The following RGS5 variants were observed in gnomAD, a reference collection of about 807,000 sequenced individuals.
The protein encoded by RGS5 is regulator of G-protein signalling 5.
Under a neutral mutation model 18.9 loss-of-function variants are expected in RGS5, and 20 were observed. The ratio of observed to expected loss-of-function variants is 1.06; its 90% CI spans 0.74 to 1.54. RGS5 has a LOEUF of 1.54. Ranked by LOEUF, RGS5 falls within the 40% of genes most tolerant of loss-of-function variation. The pLI is 0.00. For missense variants in RGS5, 201 were observed against 211.8 expected (o/e 0.95, Z 0.32); for synonymous variants, 57 against 76.2 (o/e 0.75, Z 1.31).
intron 2 of RGS5, among the ~76,000 whole-genome samples, chr1:163,229,406 G>A (rs1647416459): frequency 1.3e-5 from 2 of 152,196 alleles, no homozygotes; most frequent in African/African-American, 4.8e-5. Context: ...CCTCCACCTG[G>A]TCCTGCCCTT....
At chr1:163,217,759 C>T, upstream of RGS5, 1 of 915,272 alleles carries the variant, frequency 1.1e-6, no homozygotes, top group Non-Finnish European at 1.5e-6. Flanking sequence ...CTGAATTCTA[C>T]CATTGTGCGA....
intron 2 of RGS5, among the ~76,000 whole-genome samples, chr1:163,272,010 G>A (rs575832370): frequency 3.9e-4 from 58 of 149,434 alleles, no homozygotes; most frequent in African/African-American, 1.4e-3. Flanking sequence ...CCTTCCCTTT[G>A]TTCCTTCCTT....
At chr1:163,310,757 T>C (rs2101649355) in intron 1 of RGS5, among the ~76,000 whole-genome samples, 1 of 152,262 alleles carries the variant, frequency 6.6e-6, no homozygotes, top group East Asian at 1.9e-4. Flanking sequence ...TATTAGTCCA[T>C]TTTCATACTC....
chr1:163,246,178 G>A (rs58003788), intron 2 of RGS5, among the ~76,000 whole-genome samples: 2 of 150,668 alleles, frequency 1.3e-5, no homozygotes, highest in African/African-American at 2.4e-5. Flanking sequence ...CCAAGATCGC[G>A]CCACTGCACT....
chr1:163,302,054 GT>G (rs767978033), intron 2 of RGS5, among the ~76,000 whole-genome samples: 4 of 144,350 alleles, frequency 2.8e-5, no homozygotes, highest in African/African-American at 5.1e-5. Context: ...TTAAGAAAAA[GT>G]TTTTTTCATA....
intron 1 of RGS5, among the ~76,000 whole-genome samples, chr1:163,314,771 T>G (rs2101652518): frequency 6.6e-6 from 1 of 152,278 alleles, no homozygotes; most frequent in East Asian, 1.9e-4. Flanking sequence ...TGAATGGGAC[T>G]AGTGCCCTTA....
chr1:163,235,098 C>T (rs34988416), intron 2 of RGS5, among the ~76,000 whole-genome samples: 6,664 of 152,212 alleles, frequency 0.044, 210 homozygotes, highest in Non-Finnish European at 0.065. Context: ...GCAGAATATG[C>T]GGAGTTGTTG....
intron 2 of RGS5, among the ~76,000 whole-genome samples, chr1:163,227,507 C>T (rs1647365714): frequency 6.6e-6 from 1 of 152,122 alleles, no homozygotes; most frequent in Admixed American, 6.5e-5. Flanking sequence ...CTGGTCCCAT[C>T]CTTAAAACAT....
intron 1 of RGS5, among the ~76,000 whole-genome samples, chr1:163,314,267 A>T (rs1649953521): frequency 1.3e-5 from 2 of 152,174 alleles, no homozygotes; most frequent in Non-Finnish European, 2.9e-5. Context: ...TACCAGGTTG[A>T]ATTTGCTTAA....
intron 1 of RGS5, among the ~76,000 whole-genome samples, chr1:163,179,364 C>A (rs1658708360): frequency 2.6e-5 from 4 of 152,150 alleles, no homozygotes; most frequent in Admixed American, 2.6e-4. Context: ...AAGTGAGTTA[C>A]TATATGTGAA....
At chr1:163,164,374 A>G (rs1657952675) in intron 2 of RGS5, among the ~76,000 whole-genome samples, 1 of 152,172 alleles carries the variant, frequency 6.6e-6, no homozygotes, top group Non-Finnish European at 1.5e-5. Context: ...GAAACTCAAA[A>G]TAAACATTTA....
chr1:163,194,847 T>A (rs1014210477), intron 1 of RGS5, among the ~76,000 whole-genome samples: 1 of 152,186 alleles, frequency 6.6e-6, no homozygotes, highest in African/African-American at 2.4e-5. Context: ...TTAAGTATGA[T>A]CATGGTTTTT....
intron 2 of RGS5, among the ~76,000 whole-genome samples, chr1:163,265,536 A>C (rs538707419): frequency 1.8e-4 from 27 of 152,226 alleles, no homozygotes; most frequent in African/African-American, 6.3e-4. Context: ...TAATAATACT[A>C]ATAAATCTTC....
chr1:163,294,898 C>T (rs769506693), intron 2 of RGS5, among the ~76,000 whole-genome samples: 16 of 152,128 alleles, frequency 1.1e-4, no homozygotes, highest in Non-Finnish European at 2.1e-4. Context: ...GTTCAAAGTT[C>T]CACAGATCTC....
chr1:163,272,300 G>C (rs1042993758), intron 2 of RGS5, among the ~76,000 whole-genome samples: 6 of 151,940 alleles, frequency 3.9e-5, no homozygotes, highest in African/African-American at 1.4e-4. Flanking sequence ...TATGTATGCT[G>C]GATACAAGTC....
chr1:163,219,902 T>C (rs965799139), upstream of RGS5, among the ~76,000 whole-genome samples: 3 of 152,184 alleles, frequency 2.0e-5, no homozygotes, highest in Non-Finnish European at 4.4e-5. Context: ...TTGGTGAACA[T>C]ATGGACTCAT....
In RGS5 at chr1:163,152,388, C is replaced by G. The variant is rs867241953; in HGVS notation, c.384+162G>C. On this transcript the variant is annotated intron_variant, in intron 4 of 4. Coordinates refer to ENST00000313961, the MANE Select transcript of RGS5 (RefSeq NM_003617.4). ...AACAGGATTGTTCATATATACTTGA[C>G]CATGTTGCTCTGCCTTTGTACTCAA... 4 of 638,138 alleles carry G rather than the reference C, an allele frequency of 6.3e-6. 1 individual carries two copies. In the Middle Eastern group the frequency reaches 1.1e-3, roughly 181 times the overall value. 39.5% of individuals were successfully genotyped at this position (638,138 alleles called of 1,614,324 possible).
At chr1:163,154,091 C>A (rs2102385087) in intron 3 of RGS5, among the ~76,000 whole-genome samples, 1 of 152,288 alleles carries the variant, frequency 6.6e-6, no homozygotes. Flanking sequence ...CCTGGAAACA[C>A]TTCTGCAATA....
chr1:163,165,262 G>A (rs1657990125), intron 2 of RGS5, among the ~76,000 whole-genome samples: 3 of 152,134 alleles, frequency 2.0e-5, no homozygotes, highest in Non-Finnish European at 4.4e-5. Context: ...TATGTGTGGA[G>A]GTCATTCTTT....
Sources: allele counts gnomAD v4.1 joint callset (sites outside exome capture counted in the v4.1 genomes callset), GRCh38; gene constraint gnomAD v4.1.1; transcripts MANE v1.5; gene names NCBI Gene and HGNC (gene_info 2026-07-23, HGNC 2026-07-21).